The following LHFPL3 variants were observed in gnomAD, a reference collection of about 807,000 sequenced individuals.
LHFPL3 encodes the protein LHFPL tetraspan subfamily member 3.
A neutral mutation model predicts 19.3 loss-of-function variants in LHFPL3; 5 were observed. The ratio of observed to expected loss-of-function variants is 0.26; its 90% CI spans 0.14 to 0.54. LHFPL3 has a LOEUF of 0.54. Among genes scored for constraint, LHFPL3 ranks in the 20% least tolerant of loss-of-function variants. The pLI, the probability that LHFPL3 is intolerant of heterozygous loss-of-function variation, is 0.94. For synonymous variants in LHFPL3, 133 were observed against 126.2 expected, an observed-to-expected ratio of 1.05 and a Z score of -0.36; for missense variants, 249 against 307.4, an observed-to-expected ratio of 0.81 and a Z score of 1.42.
intron 1 of LHFPL3, among the ~76,000 whole-genome samples, chr7:104,681,831 G>A (rs1202780137): frequency 2.0e-5 from 3 of 152,102 alleles, no homozygotes; most frequent in Non-Finnish European, 4.4e-5. Flanking sequence ...CAACACTAGG[G>A]TACACATAGG....
chr7:104,828,659 A>T (rs1040272909), intron 2 of LHFPL3, among the ~76,000 whole-genome samples: 1 of 151,996 alleles, frequency 6.6e-6, no homozygotes, highest in African/African-American at 2.4e-5. Context: ...GAGTGGGGTG[A>T]AAACTCCTCC....
intron 1 of LHFPL3, among the ~76,000 whole-genome samples, chr7:104,416,982 A>G (rs896805073): frequency 2.0e-5 from 3 of 152,206 alleles, no homozygotes; most frequent in Admixed American, 6.5e-5. Flanking sequence ...TAATCAATTC[A>G]TGCAGACAGA....
At position 104,899,814 on chromosome 7, in the gene LHFPL3, C is replaced by A. The variant is rs766132914; in HGVS notation, c.683-6373C>A. 6.6e-5 allele frequency among the ~76,000 whole-genome samples: 10 copies of A among 152,148 alleles called. 1 individual carries two copies. The highest frequency in any genetic ancestry group is 1.5e-4 in the Non-Finnish European group (10 of 68,014). On this transcript the variant is annotated intron_variant, in intron 2 of 2. Transcript: ENST00000424859. ...TGGCGTGATCTCAACTCACTGCAAC[C>A]TCTGCCTCCTGGGTTCAAGTGATTA...
At chr7:104,882,499 TG>T (rs1419258055) in intron 2 of LHFPL3, among the ~76,000 whole-genome samples, 2 of 152,132 alleles carry the variant, frequency 1.3e-5, no homozygotes, top group African/African-American at 4.8e-5. Flanking sequence ...CTGCCCACCT[TG>T]GCCTCCCAAA....
At chr7:104,371,647 CTT>C (rs11332825) in intron 1 of LHFPL3, among the ~76,000 whole-genome samples, 19 of 149,214 alleles carry the variant, frequency 1.3e-4, no homozygotes, top group African/African-American at 2.7e-4. Flanking sequence ...GGCAAATTTT[CTT>C]TTTTTTTTTA....
rs148459658 is a variant in LHFPL3, at chr7:104,361,536, C to T, written c.445+32312C>T. Among the ~76,000 whole-genome samples the T allele has an allele frequency of 2.5e-3, 388 of 152,216 alleles. 1 individual carries two copies. The highest frequency in any genetic ancestry group is 8.7e-3 in the South Asian group (42 of 4,826). ...GAAGCAAGGAATAGGTAAATAGCAG[C>T]CTTTGGCCCCGCACTACTTTGTGAG... On this transcript the variant is annotated intron_variant, in intron 1 of 2. Coordinates refer to ENST00000424859, the MANE Select transcript of LHFPL3 (RefSeq NM_199000.3).
intron 1 of LHFPL3, among the ~76,000 whole-genome samples, chr7:104,476,096 C>T (rs1044501971): frequency 2.0e-5 from 3 of 151,970 alleles, no homozygotes; most frequent in East Asian, 1.9e-4. Flanking sequence ...AAATGCTGTC[C>T]GAAGCATTTG....
chr7:104,789,315 G>T (rs926062371), intron 2 of LHFPL3, among the ~76,000 whole-genome samples: 1 of 152,114 alleles, frequency 6.6e-6, no homozygotes, highest in Non-Finnish European at 1.5e-5. Flanking sequence ...GTGAGTATAA[G>T]AAGAGAACCT....
chr7:104,329,038 G>C lies in LHFPL3; in HGVS notation c.259G>C (p.Glu87Gln), dbSNP rs1421879297. 1 of 1,614,038 alleles carries C rather than the reference G, an allele frequency of 6.2e-7. No individual in the cohort carries two copies. Among genetic ancestry groups the C allele is most frequent in the South Asian group, 1.1e-5 (1 of 91,086 alleles). The change falls in exon 1 of 3, where the codon GAG becomes CAG. Residue 87 changes from glutamate to glutamine, a missense_variant. Coordinates refer to ENST00000424859, the MANE Select transcript of LHFPL3 (RefSeq NM_199000.3). ...HYCIGNGFSR[E>Q]LTCRGSFTDF... Reference sequence around the variant, plus strand: ...CTGCATCGGCAACGGCTTCTCCCGGGAGCTGACCTGCAGGGGCAGCTTCAC... The same window carrying C: ...CTGCATCGGCAACGGCTTCTCCCGGCAGCTGACCTGCAGGGGCAGCTTCAC...
chr7:104,580,641 A>G (rs916417996), intron 1 of LHFPL3, among the ~76,000 whole-genome samples: 2 of 152,076 alleles, frequency 1.3e-5, no homozygotes, highest in South Asian at 4.1e-4. Context: ...CTGTAACTCA[A>G]ACATCTATAA....
At chr7:104,590,001 T>C in intron 1 of LHFPL3, among the ~76,000 whole-genome samples, 1 of 152,216 alleles carries the variant, frequency 6.6e-6, no homozygotes, top group East Asian at 1.9e-4. Context: ...TTCTTCTCTC[T>C]TTTATTCTTT....
intron 1 of LHFPL3, among the ~76,000 whole-genome samples, chr7:104,469,758 T>C (rs1792869479): frequency 6.6e-6 from 1 of 152,138 alleles, no homozygotes; most frequent in African/African-American, 2.4e-5. Flanking sequence ...CCAGGAAAAA[T>C]GGTTATCAGA....
In LHFPL3 at chr7:104,398,026, T is replaced by G. The variant is rs369460472; in HGVS notation, c.445+68802T>G. On this transcript the variant is annotated intron_variant, in intron 1 of 2. Coordinates refer to ENST00000424859, the MANE Select transcript of LHFPL3 (RefSeq NM_199000.3). ...AGGATGATAATCCAACTCCTTTTCA[T>G]TTTTGACATGGGTATTATCTTCTAT... Among the ~76,000 whole-genome samples the G allele has an allele frequency of 6.8e-4, 104 of 152,146 alleles. 1 individual carries two copies. The highest frequency in any genetic ancestry group is 2.4e-3 in the African/African-American group (100 of 41,502).
intron 2 of LHFPL3, among the ~76,000 whole-genome samples, chr7:104,864,579 G>A (rs1051275994): frequency 7.2e-5 from 11 of 152,014 alleles, no homozygotes; most frequent in Middle Eastern, 3.2e-3. Context: ...AGGGGCGCCC[G>A]CCATTGCAGA....
chr7:104,639,874 A>G (rs1200788200), intron 1 of LHFPL3, among the ~76,000 whole-genome samples: 1 of 152,228 alleles, frequency 6.6e-6, no homozygotes, highest in East Asian at 1.9e-4. Flanking sequence ...TGAATTTCCC[A>G]TATGTCAGAA....
intron 2 of LHFPL3, among the ~76,000 whole-genome samples, chr7:104,823,024 G>A (rs1278421529): frequency 6.6e-6 from 1 of 152,086 alleles, no homozygotes. Flanking sequence ...ATGAAGAGGT[G>A]AGCACAGACA....
chr7:104,532,318 C>CTTTTTTTTTTTTTTT (rs71155504), intron 1 of LHFPL3, among the ~76,000 whole-genome samples: 70 of 87,204 alleles, frequency 8.0e-4, no homozygotes, highest in Non-Finnish European at 1.0e-3. Flanking sequence ...TTCTTTCTGT[C>CTTTTTTTTTTTTTTT]TTTTTTTTTT....
intron 1 of LHFPL3, among the ~76,000 whole-genome samples, chr7:104,699,634 A>G (rs1296147082): frequency 1.3e-5 from 2 of 152,332 alleles, no homozygotes; most frequent in South Asian, 4.1e-4. Context: ...TGATGGCTGC[A>G]CAACACTGTG....
At chr7:104,646,043 T>G (rs1052149485) in intron 1 of LHFPL3, among the ~76,000 whole-genome samples, 1 of 152,164 alleles carries the variant, frequency 6.6e-6, no homozygotes, top group Non-Finnish European at 1.5e-5. Flanking sequence ...TAGTGAGACA[T>G]GAGGCTTCAC....
Sources: allele counts gnomAD v4.1 joint callset (sites outside exome capture counted in the v4.1 genomes callset), GRCh38; gene constraint gnomAD v4.1.1; transcripts MANE v1.5; gene names NCBI Gene and HGNC (gene_info 2026-07-23, HGNC 2026-07-21).